The following TACR3 variants were observed in gnomAD, a reference collection of about 807,000 sequenced individuals.
The protein encoded by TACR3 is tachykinin receptor 3, also known as neuromedin-K receptor.
In TACR3, 34 loss-of-function variants were observed where a neutral mutation model predicts 35.0. That is an observed-to-expected ratio of 0.97 (90% CI 0.74 to 1.30). The LOEUF is 1.30. TACR3 is among the 50% of genes most tolerant of loss of function. TACR3 has a pLI of 0.00. For missense variants in TACR3, 558 were observed against 591.7 expected (o/e 0.94, Z 0.59); for synonymous variants, 233 against 221.1 (o/e 1.05, Z -0.48).
intron 3 of TACR3, among the ~76,000 whole-genome samples, chr4:103,634,379 T>C (rs930178818): frequency 3.9e-5 from 6 of 152,022 alleles, no homozygotes; most frequent in African/African-American, 2.4e-5. Flanking sequence ...GGGAATGAGA[T>C]TGGGAGGAAG....
intron 3 of TACR3, among the ~76,000 whole-genome samples, chr4:103,646,160 C>T (rs535218584): frequency 1.3e-5 from 2 of 152,120 alleles, no homozygotes; most frequent in South Asian, 4.1e-4. Flanking sequence ...CCTTAGAACC[C>T]TTCCTCCAGG....
chr4:103,711,977 G>T (rs1722974412), intron 1 of TACR3, among the ~76,000 whole-genome samples: 1 of 152,106 alleles, frequency 6.6e-6, no homozygotes, highest in Admixed American at 6.6e-5. Flanking sequence ...ACAAACCACT[G>T]CTCAATGACA....
chr4:103,621,977 T>G (rs1162653999), intron 3 of TACR3, among the ~76,000 whole-genome samples: 1 of 152,116 alleles, frequency 6.6e-6, no homozygotes, highest in Non-Finnish European at 1.5e-5. Context: ...AATGGGACTT[T>G]GGGTAAAGAG....
At chr4:103,673,031 C>CTCTT (rs1726086759) in intron 1 of TACR3, among the ~76,000 whole-genome samples, 2 of 152,160 alleles carry the variant, frequency 1.3e-5, no homozygotes, top group Non-Finnish European at 2.9e-5. Flanking sequence ...GCTTCTTCAA[C>CTCTT]TCTTTGAGCT....
chr4:103,627,670 CTT>C (rs757645675), intron 3 of TACR3, among the ~76,000 whole-genome samples: 5 of 152,126 alleles, frequency 3.3e-5, no homozygotes, highest in Non-Finnish European at 5.9e-5. Flanking sequence ...TACAAAGAGA[CTT>C]AGACTGCCAC....
At chr4:103,677,696 G>A (rs1240804904) in intron 1 of TACR3, among the ~76,000 whole-genome samples, 2 of 152,046 alleles carry the variant, frequency 1.3e-5, no homozygotes, top group African/African-American at 4.8e-5. Flanking sequence ...CACACACTGG[G>A]GCCTTTTGGA....
chr4:103,633,927 C>A (rs2110313855), intron 3 of TACR3, among the ~76,000 whole-genome samples: 1 of 152,084 alleles, frequency 6.6e-6, no homozygotes, highest in South Asian at 2.1e-4. Context: ...GAAGAAAGTA[C>A]ATAAATATGA....
At chr4:103,661,997 C>T (rs7655337) in intron 1 of TACR3, among the ~76,000 whole-genome samples, 16,077 of 152,092 alleles carry the variant, frequency 0.11, 965 homozygotes, top group South Asian at 0.19. Flanking sequence ...ATAATCTCAC[C>T]AATAAATGTA....
At position 103,713,141 on chromosome 4, in the gene TACR3, T is replaced by C. The variant is rs182541465; in HGVS notation, c.548+5987A>G. 1.6e-4 allele frequency among the ~76,000 whole-genome samples: 25 copies of C among 152,120 alleles called. No homozygotes were observed. In the East Asian group the frequency reaches 4.9e-3, roughly 30 times the overall value. On this transcript the variant is annotated intron_variant, in intron 1 of 4. Transcript: ENST00000304883. ...CATTACTGGGTATATACCCAAAGGA[T>C]TATAAATCATGCTGCTATAAACACA... is the stretch of plus-strand genomic sequence containing the variant.
rs184772270 is a variant in TACR3, at chr4:103,678,885, G to A, written c.549-20482C>T. Among the ~76,000 whole-genome samples the A allele has an allele frequency of 2.5e-3, 376 of 151,454 alleles. 4 individuals are homozygous for A. The highest frequency in any genetic ancestry group is 0.014 in the South Asian group (69 of 4,788). On this transcript the variant is annotated intron_variant, in intron 1 of 4. Coordinates refer to ENST00000304883, the MANE Select transcript of TACR3 (RefSeq NM_001059.3). ...AATCTTTTCTCTTTGAGGGCCATAA[G>A]TCTTCTCAGTCTTTCTGAGCTCATG...
chr4:103,631,256 A>G (rs1239963095), intron 3 of TACR3, among the ~76,000 whole-genome samples: 1 of 152,088 alleles, frequency 6.6e-6, no homozygotes, highest in East Asian at 1.9e-4. Context: ...CAGCAAACCA[A>G]CATGATACAT....
chr4:103,656,326 A>G lies in TACR3; in HGVS notation c.756T>C (p.Ile252=). The part of the protein sequence containing the change: ...KQHFTYHIIV[I]ILVYCFPLLI... ...GCAATGGGAAACAGTACACCAGTAT[A>G]ATGACGATAATATGGTAACTATGAA... Residue 252 remains isoleucine, a synonymous_variant, in exon 3 of 5, where the codon ATT becomes ATC. Coordinates refer to ENST00000304883, the MANE Select transcript of TACR3 (RefSeq NM_001059.3). The G allele has an allele frequency of 6.2e-7, 1 of 1,612,666 alleles. No individual in the cohort carries two copies. The highest frequency in any genetic ancestry group is 8.5e-7 in the Non-Finnish European group (1 of 1,178,982).
chr4:103,650,049 G>A (rs980849996), intron 3 of TACR3, among the ~76,000 whole-genome samples: 1 of 151,944 alleles, frequency 6.6e-6, no homozygotes, highest in Non-Finnish European at 1.5e-5. Context: ...TGCATTAGGG[G>A]GTACCACATA....
chr4:103,713,615 G>GTAT (rs1308072789), intron 1 of TACR3, among the ~76,000 whole-genome samples: 3 of 150,826 alleles, frequency 2.0e-5, no homozygotes, highest in African/African-American at 7.3e-5. Flanking sequence ...GGAACTTAAA[G>GTAT]TATAATAATA....
chr4:103,699,152 G>A (rs1205798072), intron 1 of TACR3, among the ~76,000 whole-genome samples: 1 of 152,008 alleles, frequency 6.6e-6, no homozygotes. Flanking sequence ...TATTACAGAT[G>A]GTCCAATTAC....
rs1190566853 is a variant in TACR3, at chr4:103,659,653, G to A, written c.549-1250C>T. On this transcript the variant is annotated intron_variant, in intron 1 of 4. Transcript: ENST00000304883. ...TAACTACATATAACACTGTTGTAACGGAAAAATATATTTGAGTCTCTAAAA... is the reference window on the plus strand; with the variant it reads ...TAACTACATATAACACTGTTGTAACAGAAAAATATATTTGAGTCTCTAAAA... 6.6e-5 allele frequency among the ~76,000 whole-genome samples: 10 copies of A among 152,108 alleles called. No individual in the cohort carries two copies. The East Asian group carries it at 1.2e-3, about 18-fold the overall frequency.
chr4:103,631,228 A>G (rs546416521), intron 3 of TACR3, among the ~76,000 whole-genome samples: 29 of 152,176 alleles, frequency 1.9e-4, no homozygotes, highest in African/African-American at 6.0e-4. Context: ...CCTAATGTAA[A>G]TGACGAGTTG....
At chr4:103,598,588 T>C (rs2110288226) in intron 3 of TACR3, among the ~76,000 whole-genome samples, 1 of 152,296 alleles carries the variant, frequency 6.6e-6, no homozygotes, top group Non-Finnish European at 1.5e-5. Flanking sequence ...TGGTTTTAGG[T>C]CTAACATGTA....
chr4:103,626,119 C>G (rs1444697298), intron 3 of TACR3, among the ~76,000 whole-genome samples: 1 of 152,154 alleles, frequency 6.6e-6, no homozygotes, highest in Non-Finnish European at 1.5e-5. Flanking sequence ...GCAGCTCTAA[C>G]AAACTATCAT....
Sources: gnomAD v4.1 joint callset for allele counts (sites outside exome capture counted in the v4.1 genomes callset) on GRCh38, gnomAD v4.1.1 for gene constraint, MANE v1.5 for transcripts, NCBI Gene and HGNC (gene_info 2026-07-23, HGNC 2026-07-21) for gene names.